ITGB8: variants seen among roughly 807,000 people sequenced by gnomAD.
The protein encoded by ITGB8 is integrin subunit beta 8.
ITGB8 carries 30 observed loss-of-function variants against 89.5 expected under a neutral mutation model. That is an observed-to-expected ratio of 0.34 (90% CI 0.25 to 0.45). ITGB8 has a LOEUF of 0.45. ITGB8 is among the 20% of genes least tolerant of loss of function. The probability of loss-of-function intolerance (pLI) is 1.00; values close to 1 mark genes in which losing one functional copy is unlikely to be tolerated. For missense variants in ITGB8, 836 were observed against 933.3 expected (o/e 0.90, Z 1.36); for synonymous variants, 335 against 320.4 (o/e 1.05, Z -0.49).
intron 12 of ITGB8, among the ~76,000 whole-genome samples, chr7:20,407,799 G>A (rs1787605421): frequency 1.3e-5 from 2 of 152,200 alleles, no homozygotes; most frequent in African/African-American, 4.8e-5. Context: ...AGCTCCTTAG[G>A]AAAAGCCCCG....
chr7:20,398,952 G>A lies in ITGB8; in HGVS notation c.1239G>A (p.Lys413=), dbSNP rs1787198015. 1 of 1,613,746 alleles carries A rather than the reference G, an allele frequency of 6.2e-7. No individual in the cohort carries two copies. The highest frequency in any genetic ancestry group is 8.5e-7 in the Non-Finnish European group (1 of 1,179,872). ...CCATCTGTCCAGATGGGTCCAGAAA[G>A]CCAGGCATGGAAGGATGCAGAAACG... ...ITAICPDGSR[K]PGMEGCRNVT... The change falls in exon 9 of 14, where the codon AAG becomes AAA. Residue 413 remains lysine (K), a synonymous_variant. Transcript: ENST00000222573.
intron 11 of ITGB8, among the ~76,000 whole-genome samples, 163 bp downstream of exon 11, chr7:20,405,016 T>G (rs185612539): frequency 1.4e-4 from 21 of 152,336 alleles, no homozygotes; most frequent in African/African-American, 5.0e-4. Flanking sequence ...ATTCAAATCT[T>G]TGACCCCTGG....
chr7:20,362,357 AGT>A (rs1270751992), intron 1 of ITGB8, among the ~76,000 whole-genome samples: 1 of 152,212 alleles, frequency 6.6e-6, no homozygotes, highest in East Asian at 1.9e-4. Flanking sequence ...CATGTGCATG[AGT>A]GTGCACATGC....
chr7:20,387,294 G>A (rs1443553277), intron 6 of ITGB8, among the ~76,000 whole-genome samples: 6 of 152,192 alleles, frequency 3.9e-5, no homozygotes, highest in Non-Finnish European at 8.8e-5. Context: ...AGTGTCCATA[G>A]TAGACTTTAA....
intron 9 of ITGB8, among the ~76,000 whole-genome samples, chr7:20,400,504 T>G (rs77667941): frequency 0.013 from 2,029 of 152,356 alleles, 54 homozygotes; most frequent in African/African-American, 0.046. Context: ...TTTATATTAT[T>G]ATATCGTAGA....
intron 3 of ITGB8, among the ~76,000 whole-genome samples, chr7:20,371,942 T>C (rs961358968): frequency 2.0e-5 from 3 of 152,218 alleles, no homozygotes; most frequent in Non-Finnish European, 4.4e-5. Context: ...CTGCTATTTG[T>C]TTAGTCCATT....
chr7:20,401,929 A>G lies in ITGB8; in HGVS notation c.1490A>G (p.Asn497Ser). 2 of 1,614,200 alleles carry G rather than the reference A, an allele frequency of 1.2e-6. No homozygotes were observed. Among genetic ancestry groups the G allele is most frequent in the Non-Finnish European group, 8.5e-7 (1 of 1,180,016 alleles). The change falls in exon 10 of 14, where the codon AAT becomes AGT. Residue 497 changes from asparagine to serine, a missense_variant. Coordinates refer to ENST00000222573, the MANE Select transcript of ITGB8 (RefSeq NM_002214.3). Reference sequence around the variant, plus strand: ...TCCAAGTGTTTCCAGTGTGATGAGAATAAATGTCATTTTGATGAAGATCAG... The same window carrying G: ...TCCAAGTGTTTCCAGTGTGATGAGAGTAAATGTCATTTTGATGAAGATCAG... Reference protein sequence around the residue: ...LDSKCFQCDENKCHFDEDQFS... With the variant: ...LDSKCFQCDESKCHFDEDQFS...
In ITGB8 at chr7:20,331,121, C is replaced by T. The variant is rs1027323345; in HGVS notation, c.-686C>T. On this transcript the variant is annotated 5_prime_UTR_variant, in exon 1 of 14. Coordinates refer to ENST00000222573, the MANE Select transcript of ITGB8 (RefSeq NM_002214.3). Reference sequence around the variant, plus strand: ...GGTGTCGGCGGGTGCTTCTAGGGCGCTCCCAGAGCCGCCTCCCCCTGTTGC... The same window carrying T: ...GGTGTCGGCGGGTGCTTCTAGGGCGTTCCCAGAGCCGCCTCCCCCTGTTGC... The T allele has an allele frequency of 1.9e-5, 3 of 155,054 alleles. No homozygotes were observed. Among genetic ancestry groups the T allele is most frequent in the Admixed American group, 6.5e-5 (1 of 15,352 alleles). The allele number at this position is 155,054 out of a possible 1,614,324, so 9.6% of individuals were successfully genotyped here. A position where few individuals can be genotyped will look rare whatever the true frequency, so the allele number is the denominator to read the frequency against.
chr7:20,408,673 T>C (rs1284866695), intron 12 of ITGB8, among the ~76,000 whole-genome samples: 1 of 152,168 alleles, frequency 6.6e-6, no homozygotes, highest in Non-Finnish European at 1.5e-5. Flanking sequence ...CTGGGGCAGC[T>C]GGTGAGTTCC....
chr7:20,369,084 T>A (rs1785824555), intron 3 of ITGB8, among the ~76,000 whole-genome samples: 1 of 152,244 alleles, frequency 6.6e-6, no homozygotes, highest in Non-Finnish European at 1.5e-5. Context: ...AGTAAGTTGT[T>A]AATATCATCT....
At chr7:20,346,543 GT>G (rs1784929747) in intron 1 of ITGB8, 1 of 168,784 alleles carries the variant, frequency 5.9e-6, no homozygotes, top group African/African-American at 2.4e-5. Context: ...TGATGATACT[GT>G]CAGTGGCTGA....
intron 6 of ITGB8, among the ~76,000 whole-genome samples, chr7:20,384,093 T>A (rs1169444028): frequency 6.6e-6 from 1 of 152,206 alleles, no homozygotes; most frequent in Non-Finnish European, 1.5e-5. Flanking sequence ...TGCTTTGGAA[T>A]GTTCTATATT....
At chr7:20,369,623 C>T (rs573455548) in intron 3 of ITGB8, among the ~76,000 whole-genome samples, 24 of 152,182 alleles carry the variant, frequency 1.6e-4, no homozygotes, top group South Asian at 1.2e-3. Flanking sequence ...ATGAATTTTT[C>T]GGAACACAAT....
chr7:20,349,228 T>G (rs181552649), intron 1 of ITGB8, among the ~76,000 whole-genome samples: 2 of 152,194 alleles, frequency 1.3e-5, no homozygotes, highest in Admixed American at 1.3e-4. Context: ...AGTGTCATAT[T>G]TGGCATTGAG....
In ITGB8 at chr7:20,402,007, G is replaced by A. The variant is rs1271534799; in HGVS notation, c.1568G>A (p.Arg523Gln). Reference sequence around the variant, plus strand: ...AAGGATCAGCCTGTTTGCAGTGGTCGAGGAGTTTGTGTTTGTGGGAAATGT... The same window carrying A: ...AAGGATCAGCCTGTTTGCAGTGGTCAAGGAGTTTGTGTTTGTGGGAAATGT... ...SHKDQPVCSG[R>Q]GVCVCGKCSC... The change falls in exon 10 of 14, where the codon CGA becomes CAA. Residue 523 changes from arginine (R) to glutamine (Q), a missense_variant. Arg to Gln is a conservative substitution (Grantham distance 43). Coordinates refer to ENST00000222573, the MANE Select transcript of ITGB8 (RefSeq NM_002214.3). The A allele has an allele frequency of 9.3e-6, 15 of 1,614,028 alleles. No homozygotes were observed. The highest frequency in any genetic ancestry group is 1.7e-5 in the Admixed American group (1 of 60,006).
chr7:20,350,544 T>TC (rs1296777047), intron 1 of ITGB8, among the ~76,000 whole-genome samples: 12 of 152,240 alleles, frequency 7.9e-5, no homozygotes, highest in Admixed American at 7.9e-4. Flanking sequence ...AAGCAAATGT[T>TC]CTCCACCAAT....
chr7:20,371,048 C>T (rs1351108633), intron 3 of ITGB8, among the ~76,000 whole-genome samples: 1 of 152,024 alleles, frequency 6.6e-6, no homozygotes. Flanking sequence ...AACAATATCA[C>T]CAAACAAATA....
chr7:20,355,766 T>C (rs1785271922), intron 1 of ITGB8, among the ~76,000 whole-genome samples: 1 of 152,226 alleles, frequency 6.6e-6, no homozygotes, highest in South Asian at 2.1e-4. Flanking sequence ...CAGCCTAGGC[T>C]GGGCGACACT....
In ITGB8 at chr7:20,379,017, A is replaced by G. The variant is rs745473682; in HGVS notation, c.389-34A>G. On this transcript the variant is annotated intron_variant, in intron 3 of 13. Transcript: ENST00000222573. ...AGCTTATCCTGAAAAGTTTAAAATG[A>G]AGACTACATGATGTTTTTCTTCTAT... is the stretch of plus-strand genomic sequence containing the variant. 32 of 1,510,638 alleles carry G rather than the reference A, an allele frequency of 2.1e-5. No homozygotes were observed. In the East Asian group the frequency reaches 7.4e-4, roughly 35 times the overall value. The allele number at this position is 1,510,638 out of a possible 1,614,324, so 93.6% of individuals were successfully genotyped here. A position where few individuals can be genotyped will look rare whatever the true frequency, so the allele number is the denominator to read the frequency against.
Sources: gnomAD v4.1 joint callset for allele counts (sites outside exome capture counted in the v4.1 genomes callset) on GRCh38, gnomAD v4.1.1 for gene constraint, MANE v1.5 for transcripts, NCBI Gene and HGNC (gene_info 2026-07-23, HGNC 2026-07-21) for gene names.